Variants in UVRAG observed in about 807,000 individuals in gnomAD.
UVRAG encodes UV radiation resistance associated.
A neutral mutation model predicts 78.0 loss-of-function variants in UVRAG; 19 were observed. The observed-to-expected ratio is 0.24, with a 90% confidence interval of 0.17 to 0.36. UVRAG has a LOEUF of 0.36. Ranked by LOEUF, UVRAG falls within the 10% of genes least tolerant of loss-of-function variation. The pLI, the probability that UVRAG is intolerant of heterozygous loss-of-function variation, is 1.00. For missense variants in UVRAG, 740 were observed against 853.8 expected (o/e 0.87, Z 1.66); for synonymous variants, 323 against 324.6 (o/e 1.00, Z 0.05).
intron 13 of UVRAG, among the ~76,000 whole-genome samples, chr11:76,112,088 G>T (rs1033792390): frequency 3.3e-5 from 5 of 152,008 alleles, no homozygotes; most frequent in Non-Finnish European, 5.9e-5. Context: ...TTGGCCCAGG[G>T]AATGAAAACA....
intron 2 of UVRAG, among the ~76,000 whole-genome samples, chr11:75,857,003 A>G (rs574500977): frequency 6.6e-6 from 1 of 152,230 alleles, no homozygotes; most frequent in African/African-American, 2.4e-5. Context: ...TTTCACATCC[A>G]GTCTTTCAGC....
At chr11:75,948,270 G>T (rs568251136) in intron 6 of UVRAG, among the ~76,000 whole-genome samples, 2 of 152,164 alleles carry the variant, frequency 1.3e-5, no homozygotes, top group African/African-American at 2.4e-5. Context: ...GGACGCTATT[G>T]AAATCTGTGT....
chr11:75,866,591 G>A (rs1412887624), intron 3 of UVRAG, among the ~76,000 whole-genome samples: 1 of 151,312 alleles, frequency 6.6e-6, no homozygotes, highest in Non-Finnish European at 1.5e-5. Context: ...AAAACTTTGT[G>A]CTTTTTTTTT....
chr11:76,078,752 CAAAAAAAAAAAAA>C (rs61700855), intron 13 of UVRAG, among the ~76,000 whole-genome samples: 23 of 37,200 alleles, frequency 6.2e-4, no homozygotes, highest in African/African-American at 1.4e-3. Context: ...ACTAAAAATA[CAAAAAAAAAAAAA>C]AAAAAAAAAA....
chr11:75,895,631 G>GTT (rs556320233), intron 5 of UVRAG, among the ~76,000 whole-genome samples: 4,729 of 140,600 alleles, frequency 0.034, 249 homozygotes, highest in African/African-American at 0.12. Context: ...GTGGCACTCT[G>GTT]TTTTTTTTTT....
intron 11 of UVRAG, among the ~76,000 whole-genome samples, chr11:76,012,337 A>G (rs1234621304): frequency 2.0e-5 from 3 of 152,054 alleles, no homozygotes; most frequent in African/African-American, 7.2e-5. Context: ...AAAAAGAAAA[A>G]GAAAATTGAA....
intron 12 of UVRAG, among the ~76,000 whole-genome samples, chr11:76,029,470 G>A (rs1212975009): frequency 1.3e-5 from 2 of 152,138 alleles, no homozygotes; most frequent in Non-Finnish European, 2.9e-5. Context: ...CATTCTAAAT[G>A]CGATTCAGAA....
intron 6 of UVRAG, among the ~76,000 whole-genome samples, chr11:75,931,855 T>C (rs575000679): frequency 1.0e-4 from 15 of 150,182 alleles, no homozygotes; most frequent in African/African-American, 2.0e-4. Flanking sequence ...AAAAAAACTT[T>C]ACATGTTATG....
intron 6 of UVRAG, among the ~76,000 whole-genome samples, chr11:75,954,022 T>C (rs1012080478): frequency 6.6e-6 from 1 of 152,236 alleles, no homozygotes; most frequent in Admixed American, 6.5e-5. Flanking sequence ...AGCAGTTGTT[T>C]CTTTTTTAGT....
At chr11:75,861,096 T>C (rs1946412064) in intron 2 of UVRAG, among the ~76,000 whole-genome samples, 1 of 152,192 alleles carries the variant, frequency 6.6e-6, no homozygotes, top group African/African-American at 2.4e-5. Context: ...TCTTTGAGTT[T>C]TGTGACCTTT....
rs79762787 is a variant in UVRAG at position 75,953,061 on chromosome 11, T to A, written c.594-8383T>A. Among the ~76,000 whole-genome samples, 749 of 152,306 alleles carry A rather than the reference T, an allele frequency of 4.9e-3. 7 individuals carry two copies. Among genetic ancestry groups the A allele is most frequent in the African/African-American group, 0.017 (705 of 41,566 alleles). On this transcript the variant is annotated intron_variant, in intron 6 of 14. Coordinates refer to ENST00000356136, the MANE Select transcript of UVRAG (RefSeq NM_003369.4). ...CAGTTGCTCATAATTTCTCCTTAAT[T>A]CCTTTTAACTATGTGAAGGATCTGT...
At chr11:75,887,000 C>G (rs1185798878) in intron 4 of UVRAG, among the ~76,000 whole-genome samples, 1 of 149,550 alleles carries the variant, frequency 6.7e-6, no homozygotes, top group Non-Finnish European at 1.5e-5. Flanking sequence ...GAGTCTCGCT[C>G]TGTCGCCCAG....
At chr11:76,073,610 A>G (rs753884598) in intron 13 of UVRAG, among the ~76,000 whole-genome samples, 69 of 152,196 alleles carry the variant, frequency 4.5e-4, no homozygotes, top group Non-Finnish European at 8.4e-4. Context: ...ATATAACTCA[A>G]TGAGCCAATG....
chr11:75,828,715 A>G (rs1389373192), intron 1 of UVRAG, among the ~76,000 whole-genome samples: 2 of 130,492 alleles, frequency 1.5e-5, no homozygotes, highest in African/African-American at 7.0e-5. Context: ...ATATATGTGT[A>G]TATATATGTG....
chr11:75,999,926 T>C (rs1399837677), intron 8 of UVRAG, among the ~76,000 whole-genome samples: 1 of 152,118 alleles, frequency 6.6e-6, no homozygotes, highest in East Asian at 1.9e-4. Flanking sequence ...ACACTTCCCA[T>C]CCCAAGCATT....
chr11:76,040,346 G>A lies in UVRAG; in HGVS notation c.1226+23366G>A, dbSNP rs528005017. On this transcript the variant is annotated intron_variant, in intron 12 of 14. Coordinates refer to ENST00000356136, the MANE Select transcript of UVRAG (RefSeq NM_003369.4). ...AAATTAGCCGGGCATGGTGGCGGGC[G>A]CCTGTAGTCCCAGCTACTTGGGAGG... Among the ~76,000 whole-genome samples, 637 of 151,424 alleles carry A rather than the reference G, an allele frequency of 4.2e-3. 2 individuals carry two copies. Among genetic ancestry groups the A allele is most frequent in the Admixed American group, 7.5e-3 (114 of 15,250 alleles).
intron 8 of UVRAG, among the ~76,000 whole-genome samples, chr11:76,002,415 C>T (rs1161503955): frequency 6.6e-6 from 1 of 152,050 alleles, no homozygotes; most frequent in Non-Finnish European, 1.5e-5. Context: ...CATGTAATAA[C>T]ACATTCTAGA....
chr11:75,825,614 T>G (rs755978021), intron 1 of UVRAG, among the ~76,000 whole-genome samples: 1 of 152,200 alleles, frequency 6.6e-6, no homozygotes, highest in Non-Finnish European at 1.5e-5. Flanking sequence ...GAATTTTGAA[T>G]CATGGAATTT....
Position 75,817,851 on chromosome 11 carries a change from C to T in UVRAG, c.117+2327C>T, listed in dbSNP as rs1258476129. Among the ~76,000 whole-genome samples the T allele has an allele frequency of 4.7e-5, 7 of 150,240 alleles. No homozygotes were observed. In the East Asian group the frequency reaches 1.4e-3, roughly 29 times the overall value. The stretch of plus-strand genomic sequence containing the variant: ...TTGAGGCCAGAAGTTCAAGACCAGC[C>T]TGGCCAACATGCTGAAACCCTGTCT... On this transcript the variant is annotated intron_variant, in intron 1 of 14. Transcript: ENST00000356136.
Sources: gnomAD v4.1 joint callset for allele counts (sites outside exome capture counted in the v4.1 genomes callset) on GRCh38, gnomAD v4.1.1 for gene constraint, MANE v1.5 for transcripts, NCBI Gene and HGNC (gene_info 2026-07-23, HGNC 2026-07-21) for gene names.